The following RUSF1 variants were observed in gnomAD, a reference collection of about 807,000 sequenced individuals.
RUSF1 encodes RUS family member 1, also known as RUS1 family protein C16orf58.
In RUSF1, 58 loss-of-function variants were observed where a neutral mutation model predicts 63.0. That is an observed-to-expected ratio of 0.92 (90% CI 0.75 to 1.15). The LOEUF (loss-of-function observed/expected upper bound fraction) is 1.15. Among genes scored for constraint, RUSF1 ranks in the 50% most tolerant of loss-of-function variants. The pLI is 0.00. For synonymous variants in RUSF1, 274 were observed against 255.8 expected (o/e 1.07, Z -0.68); for missense variants, 652 against 611.0 (o/e 1.07, Z -0.71).
At chr16:31,498,077 G>T (rs1228706182) in intron 5 of RUSF1, among the ~76,000 whole-genome samples, 2 of 152,314 alleles carry the variant, frequency 1.3e-5, no homozygotes, top group South Asian at 4.1e-4. Flanking sequence ...TCAGCCGAAG[G>T]TGACAGATAA....
At chr16:31,500,360 G>A (rs2082626502) in intron 3 of RUSF1, among the ~76,000 whole-genome samples, 3 of 152,258 alleles carry the variant, frequency 2.0e-5, no homozygotes, top group South Asian at 2.1e-4. Context: ...ATCCCATCTC[G>A]CTAGTTATAA....
rs571547603 is a variant in RUSF1 at position 31,493,060 on chromosome 16, A to G, written c.1017-12T>C. The G allele has an allele frequency of 4.3e-6, 7 of 1,613,284 alleles. No homozygotes were observed. In the South Asian group the frequency reaches 6.6e-5, roughly 15 times the overall value. ...GCAGCTCAAAGACACTGTGGGGGAG[A>G]GGACAGTGCAGTGGGGGTGGAGGAC... On this transcript the variant is annotated splice_polypyrimidine_tract_variant and intron_variant, in intron 9 of 12. Transcript: ENST00000327237.
chr16:31,507,752 G>A lies in RUSF1; in HGVS notation c.415+12C>T, dbSNP rs200166722. On this transcript the variant is annotated intron_variant, in intron 2 of 12. Transcript: ENST00000327237. The stretch of plus-strand genomic sequence containing the variant: ...AAGCAGCAATACGTGAGGCTCCAGG[G>A]GTGCAGCTCACCTTTCACGAGCCAG... 9 of 1,555,724 alleles carry A rather than the reference G, an allele frequency of 5.8e-6. No individual in the cohort carries two copies. In the East Asian group the frequency reaches 1.9e-4, roughly 33 times the overall value.
intron 2 of RUSF1, among the ~76,000 whole-genome samples, chr16:31,503,718 A>C (rs1482820031): frequency 6.6e-6 from 1 of 152,156 alleles, no homozygotes; most frequent in Non-Finnish European, 1.5e-5. Flanking sequence ...GCTGGAGTGC[A>C]ATGGCGCAAT....
At chr16:31,505,829 A>G (rs1468912191) in intron 2 of RUSF1, among the ~76,000 whole-genome samples, 3 of 152,160 alleles carry the variant, frequency 2.0e-5, no homozygotes, top group Admixed American at 6.5e-5. Context: ...CTGTCCTTCA[A>G]CTGCTTCTAA....
At chr16:31,507,706 G>C (rs1040434304) in intron 2 of RUSF1, 58 bp downstream of exon 2, 25 of 1,480,486 alleles carry the variant, frequency 1.7e-5, no homozygotes, top group African/African-American at 4.2e-5. Context: ...ACACATAAGA[G>C]CCCAGCGAAA....
In RUSF1 at chr16:31,493,919, C is replaced by G. The variant is rs990570247; in HGVS notation, c.720G>C (p.Leu240=). The G allele has an allele frequency of 1.4e-5, 22 of 1,614,046 alleles. No homozygotes were observed. Among genetic ancestry groups the G allele is most frequent in the African/African-American group, 1.1e-4 (8 of 74,926 alleles). The part of the protein sequence containing the change: ...KDSSQETLVN[L]AGLLVSLLML... ...TCAGGAGGCTGACCAAGAGCCCCGC[C>G]AGGTTCACCAGCGTCTCCTGGAAAA... The change falls in exon 7 of 13, where the codon CTG becomes CTC. Residue 240 remains leucine (L), a synonymous_variant. Transcript: ENST00000327237.
At position 31,508,056 on chromosome 16, in the gene RUSF1, C is replaced by G. The variant is rs758152866; in HGVS notation, c.300+18G>C. On this transcript the variant is annotated intron_variant, in intron 1 of 12. Transcript: ENST00000327237. ...GGAGTGGCCTGCACTGTCCTCTGCC[C>G]CAGACGACCGAGCTGACCTGCACGG... is the stretch of plus-strand genomic sequence containing the variant. The G allele has an allele frequency of 2.5e-6, 4 of 1,592,680 alleles. No homozygotes were observed. The South Asian group carries it at 3.4e-5, about 14-fold the overall frequency.
rs1567401299 is a variant in RUSF1 at position 31,508,244 on chromosome 16, G to A, written c.130C>T (p.Leu44Phe). 6 of 1,563,408 alleles carry A rather than the reference G, an allele frequency of 3.8e-6. No individual in the cohort carries two copies. Among genetic ancestry groups the A allele is most frequent in the South Asian group, 1.2e-5 (1 of 85,404 alleles). ...GGTTTGACCGTGAAGGCCCTGGAGA[G>A]CCCCCACCAGCGCCAGCCCCCGACC... ...WEVGGWRWWGLSRAFTVKPEG... is the reference protein window; with the variant it reads ...WEVGGWRWWGFSRAFTVKPEG... The change falls in exon 1 of 13, where the codon CTC (leucine) becomes TTC (phenylalanine). Residue 44 changes from leucine to phenylalanine, a missense_variant. Transcript: ENST00000327237.
At position 31,493,940 on chromosome 16, in the gene RUSF1, G is replaced by GA. The variant is rs767791696; in HGVS notation, c.703-5dup. 8 of 1,613,752 alleles carry GA rather than the reference G, an allele frequency of 5.0e-6. No individual in the cohort carries two copies. The African/African-American group carries it at 1.1e-4, about 22-fold the overall frequency. On this transcript the variant is annotated splice_region_variant and splice_polypyrimidine_tract_variant and intron_variant, in intron 6 of 12. Transcript: ENST00000327237. ...CCGCCAGGTTCACCAGCGTCTCCTG[G>GA]AAAATGGCAGAGGGAGAAGGAGTTG...
chr16:31,504,641 T>C (rs2082649106), intron 2 of RUSF1, among the ~76,000 whole-genome samples: 2 of 152,164 alleles, frequency 1.3e-5, no homozygotes, highest in South Asian at 2.1e-4. Context: ...CTTTTGGGAG[T>C]GCAGACACGA....
chr16:31,499,840 T>C (rs2082623817), intron 3 of RUSF1, among the ~76,000 whole-genome samples: 1 of 152,166 alleles, frequency 6.6e-6, no homozygotes, highest in Non-Finnish European at 1.5e-5. Flanking sequence ...TGAGTTCCTC[T>C]GCCTCTCTCC....
chr16:31,506,771 A>G (rs1433867104), intron 2 of RUSF1, among the ~76,000 whole-genome samples: 1 of 152,088 alleles, frequency 6.6e-6, no homozygotes, highest in Non-Finnish European at 1.5e-5. Context: ...AGCCTGGGTG[A>G]CAGTGAGACT....
chr16:31,493,393 G>T, intron 9 of RUSF1, 74 bp downstream of exon 9: 2 of 1,516,486 alleles, frequency 1.3e-6, no homozygotes, highest in Admixed American at 2.0e-5. Flanking sequence ...CCTTGCCAGG[G>T]AGGCCAGTGT....
At chr16:31,495,724 T>G (rs895768758) in intron 6 of RUSF1, among the ~76,000 whole-genome samples, 1 of 151,974 alleles carries the variant, frequency 6.6e-6, no homozygotes, top group Non-Finnish European at 1.5e-5. Context: ...CCGAGCATCC[T>G]GAGAGAAGGG....
At chr16:31,507,959 T>G in intron 1 of RUSF1, 81 bp from the exon 2 acceptor site, 1 of 1,530,692 alleles carries the variant, frequency 6.5e-7, no homozygotes, top group Non-Finnish European at 8.8e-7. Context: ...TTGTTCTTGG[T>G]GTATGAGGCA....
In RUSF1 at chr16:31,489,876, G is replaced by T; in HGVS notation, c.*959C>A. 1 of 573,836 alleles carries T rather than the reference G, an allele frequency of 1.7e-6. No homozygotes were observed. The highest frequency in any genetic ancestry group is 3.2e-6 in the Non-Finnish European group (1 of 316,316). The allele number at this position is 573,836 out of a possible 1,614,324, so 35.5% of individuals were successfully genotyped here. ...AGACAGACCTGAGCTGACAAAGCTG[G>T]GGGAGCAAGGCCAACGGCTTTAAAC... On this transcript the variant is annotated 3_prime_UTR_variant, in exon 13 of 13. Transcript: ENST00000327237.
rs1478884017 is a variant in RUSF1, at chr16:31,508,155, G to A, written c.219C>T (p.Leu73=). 30 of 1,587,302 alleles carry A rather than the reference G, an allele frequency of 1.9e-5. No homozygotes were observed. The highest frequency in any genetic ancestry group is 2.5e-5 in the Non-Finnish European group (29 of 1,167,846). Residue 73 remains leucine, a synonymous_variant, in exon 1 of 13, where the codon CTC becomes CTT. Transcript: ENST00000327237. The part of the protein sequence containing the change: ...SGAPSPPLSG[L]QAVFLPQGFP... ...AGCCCTGAGGCAGGAACACGGCCTG[G>A]AGCCCGGAGAGGGGCGGTGAGGGGG...
At position 31,490,020 on chromosome 16, in the gene RUSF1, G is replaced by GT. The variant is rs2082547511; in HGVS notation, c.*814dup. 3.8e-6 allele frequency: 6 copies of GT among 1,576,524 alleles called. No homozygotes were observed. Among genetic ancestry groups the GT allele is most frequent in the Middle Eastern group, 2.2e-4 (1 of 4,504 alleles). ...TGGACAGAGGTGGGTAGGGCAGGCA[G>GT]TGACGAGCTGGTGTGCAAGAGACTT... On this transcript the variant is annotated 3_prime_UTR_variant, in exon 13 of 13. Coordinates refer to ENST00000327237, the MANE Select transcript of RUSF1 (RefSeq NM_022744.4).
Sources: gnomAD v4.1 joint callset for allele counts (sites outside exome capture counted in the v4.1 genomes callset) on GRCh38, gnomAD v4.1.1 for gene constraint, MANE v1.5 for transcripts, NCBI Gene and HGNC (gene_info 2026-07-23, HGNC 2026-07-21) for gene names.